ACOX3: variants seen among roughly 807,000 people sequenced by gnomAD.
The protein encoded by ACOX3 is acyl-CoA oxidase 3, pristanoyl.
A neutral mutation model predicts 81.5 loss-of-function variants in ACOX3; 73 were observed. The observed-to-expected ratio is 0.90, with a 90% CI of 0.74 to 1.09. The LOEUF (loss-of-function observed/expected upper bound fraction) is 1.09, where lower values mean the gene tolerates loss of function less well. ACOX3 is among the 50% of genes least tolerant of loss of function. The pLI, the probability that ACOX3 is intolerant of heterozygous loss-of-function variation, is 0.00. For synonymous variants in ACOX3, 387 were observed against 375.1 expected, an observed-to-expected ratio of 1.03 and a Z score of -0.37; for missense variants, 947 against 928.0, an observed-to-expected ratio of 1.02 and a Z score of -0.27.
chr4:8,402,726 CAGGTGTGTGTGTGCACAGCACAGG>C (rs1720506252), intron 7 of ACOX3, among the ~76,000 whole-genome samples: 1 of 152,226 alleles, frequency 6.6e-6, no homozygotes, highest in Non-Finnish European at 1.5e-5. Context: ...GCGTGTGTCA[CAGGTGTGTGTGTGCACAGCACAGG>C]AGTTGTGTGT....
rs1425034778 is a variant in ACOX3 at position 8,405,032 on chromosome 4, G to C, written c.776+923C>G. On this transcript the variant is annotated intron_variant, in intron 7 of 17. Coordinates refer to ENST00000356406, the MANE Select transcript of ACOX3 (RefSeq NM_003501.3). The surrounding 1 kb of genome is among the most constrained non-coding windows in gnomAD (Gnocchi z 7.1). ...CGGCCTGCTCAGGCAGGGCCTGGCA[G>C]GGCCCTGGCACAGGGACCTCTCTTG... 6.6e-6 allele frequency among the ~76,000 whole-genome samples: 1 copy of C among 152,154 alleles called. No individual in the cohort carries two copies. Among genetic ancestry groups the C allele is most frequent in the East Asian group, 1.9e-4 (1 of 5,178 alleles).
At chr4:8,358,977 G>A in the ACOX3 span, among the ~76,000 whole-genome samples, 1 of 152,126 alleles carries the variant, frequency 6.6e-6, no homozygotes, top group Non-Finnish European at 1.5e-5. Flanking sequence ...CTCTCTCGGG[G>A]TCTGGATTGG....
chr4:8,398,720 C>G (rs1444406774), intron 8 of ACOX3, among the ~76,000 whole-genome samples: 1 of 152,174 alleles, frequency 6.6e-6, no homozygotes, highest in East Asian at 1.9e-4. Context: ...AAGCGATCTG[C>G]CCACTTTGGC....
Position 8,430,083 on chromosome 4 carries a change from G to T in ACOX3, c.-15+10565C>A, listed in dbSNP as rs1675002146. On this transcript the variant is annotated intron_variant, in intron 1 of 17. Coordinates refer to ENST00000356406, the MANE Select transcript of ACOX3 (RefSeq NM_003501.3). This position sits in a 1 kb window ranked among gnomAD's most constrained non-coding sequence, Gnocchi z 5.2. ...AGGACATCTGGGTGGGGATACTCAGGTCATGTTTGGAAATTCTGTCTACTT... is the reference window on the plus strand; with the variant it reads ...AGGACATCTGGGTGGGGATACTCAGTTCATGTTTGGAAATTCTGTCTACTT... Among the ~76,000 whole-genome samples, 1 of 152,218 alleles carries T rather than the reference G, an allele frequency of 6.6e-6. No individual in the cohort carries two copies. Among genetic ancestry groups the T allele is most frequent in the African/African-American group, 2.4e-5 (1 of 41,448 alleles).
rs763483900 is a variant in ACOX3, at chr4:8,410,205, G to A, written c.687+7C>T. 2.0e-5 allele frequency: 33 copies of A among 1,613,042 alleles called. No homozygotes were observed. Among genetic ancestry groups the A allele is most frequent in the East Asian group, 4.5e-5 (2 of 44,864 alleles). On this transcript the variant is annotated splice_region_variant and intron_variant, in intron 6 of 17. Coordinates refer to ENST00000356406, the MANE Select transcript of ACOX3 (RefSeq NM_003501.3). ...TGCCCCCACTGAGGGCCACCCCAGC[G>A]TCCTACCTGCACGATAAAGGGATGC...
At position 8,386,471 on chromosome 4, in the gene ACOX3, C is replaced by T. The variant is rs193084509; in HGVS notation, c.1537+2702G>A. Among the ~76,000 whole-genome samples, 129 of 150,068 alleles carry T rather than the reference C, an allele frequency of 8.6e-4. No homozygotes were observed. Among genetic ancestry groups the T allele is most frequent in the African/African-American group, 2.6e-3 (106 of 40,772 alleles). On this transcript the variant is annotated intron_variant, in intron 13 of 17. Transcript: ENST00000356406. This position sits in a 1 kb window ranked among gnomAD's most constrained non-coding sequence, Gnocchi z 5.2. ...GTCCCAGCTACTCCGGAGGCTGAGG[C>T]AGGAGAATGGCGAGAACCTGGGAGG... is the stretch of plus-strand genomic sequence containing the variant.
At chr4:8,398,761 C>T (rs1209511025) in intron 8 of ACOX3, among the ~76,000 whole-genome samples, 5 of 152,222 alleles carry the variant, frequency 3.3e-5, no homozygotes, top group Non-Finnish European at 7.3e-5. Context: ...CGGGCGTGAG[C>T]CACTGCACCC....
At chr4:8,365,268 C>G (rs1303330070), downstream of ACOX3, among the ~76,000 whole-genome samples, 1 of 152,224 alleles carries the variant, frequency 6.6e-6, no homozygotes, top group Non-Finnish European at 1.5e-5. Flanking sequence ...CGGAACTGCT[C>G]CATCTAATTC....
intron 11 of ACOX3, among the ~76,000 whole-genome samples, chr4:8,391,439 G>A (rs1443076136): frequency 6.6e-6 from 1 of 152,252 alleles, no homozygotes; most frequent in Non-Finnish European, 1.5e-5. Context: ...GAGGGCAAGA[G>A]AGTTTTGCTG....
In ACOX3 at chr4:8,400,619, C is replaced by T. The variant is rs1266001958; in HGVS notation, c.777-967G>A. Among the ~76,000 whole-genome samples the T allele has an allele frequency of 6.6e-6, 1 of 152,170 alleles. No homozygotes were observed. Among genetic ancestry groups the T allele is most frequent in the Non-Finnish European group, 1.5e-5 (1 of 68,042 alleles). On this transcript the variant is annotated intron_variant, in intron 7 of 17. Transcript: ENST00000356406. The surrounding 1 kb of genome is among the most constrained non-coding windows in gnomAD (Gnocchi z 4.4). Reference sequence around the variant, plus strand: ...TGTCTGGTCAGGAAAACCTATTACACAACAGTCTAGGGAATAAGGCTATGC... The same window carrying T: ...TGTCTGGTCAGGAAAACCTATTACATAACAGTCTAGGGAATAAGGCTATGC...
rs543187077 is a variant in ACOX3 at position 8,402,825 on chromosome 4, T to C, written c.776+3130A>G. Reference sequence around the variant, plus strand: ...TGTGGCACAGAAACCCTCACTCCAATCCCAGAAGCGCCCAGACCTCAGCAC... The same window carrying C: ...TGTGGCACAGAAACCCTCACTCCAACCCCAGAAGCGCCCAGACCTCAGCAC... On this transcript the variant is annotated intron_variant, in intron 7 of 17. Transcript: ENST00000356406. Among the ~76,000 whole-genome samples, 3 of 152,176 alleles carry C rather than the reference T, an allele frequency of 2.0e-5. No homozygotes were observed. The East Asian group carries it at 5.8e-4, about 29-fold the overall frequency.
At chr4:8,362,898 C>A (rs1715264519), downstream of ACOX3, among the ~76,000 whole-genome samples, 1 of 152,204 alleles carries the variant, frequency 6.6e-6, no homozygotes, top group African/African-American at 2.4e-5. Context: ...AATAATTATT[C>A]TTGCTGTACT....
At chr4:8,412,305 T>C (rs1721814034) in intron 5 of ACOX3, among the ~76,000 whole-genome samples, 1 of 152,276 alleles carries the variant, frequency 6.6e-6, no homozygotes, top group African/African-American at 2.4e-5. Context: ...GACCACCTCT[T>C]ATCCCTGCTG....
chr4:8,398,249 T>A (rs1719939410), intron 8 of ACOX3, among the ~76,000 whole-genome samples: 1 of 152,210 alleles, frequency 6.6e-6, no homozygotes, highest in Admixed American at 6.5e-5. Flanking sequence ...GCATTCACTG[T>A]CATGTTTGAG....
rs1039399302 is a variant in ACOX3, at chr4:8,397,070, C to G, written c.923G>C (p.Arg308Pro). Residue 308 changes from arginine (R) to proline (P), a missense_variant, in exon 9 of 18, where the codon CGG (arginine) becomes CCG (proline). Transcript: ENST00000356406. ...GASLGSLSSGRVSIVSLAILN... is the reference protein window; with the variant it reads ...GASLGSLSSGPVSIVSLAILN... ...GATGGCCAGGCTCACGATGGAGACCCGGCCCGAGGACAGGCTCCCCAGGGA... is the reference window on the plus strand; with the variant it reads ...GATGGCCAGGCTCACGATGGAGACCGGGCCCGAGGACAGGCTCCCCAGGGA... 1 of 1,598,392 alleles carries G rather than the reference C, an allele frequency of 6.3e-7. No individual in the cohort carries two copies. Among genetic ancestry groups the G allele is most frequent in the African/African-American group, 1.4e-5 (1 of 73,988 alleles).
At chr4:8,393,797 A>T (rs1719348335) in intron 10 of ACOX3, among the ~76,000 whole-genome samples, 1 of 152,094 alleles carries the variant, frequency 6.6e-6, no homozygotes, top group African/African-American at 2.4e-5. Context: ...AACATTATTC[A>T]CAGGAGAACA....
In ACOX3 at chr4:8,410,247, C is replaced by A; in HGVS notation, c.652G>T (p.Asp218Tyr). ...AAGGGATGCAGCCCATGGCACTGGTCCCCTGGCACACACAGCTTAGCAAAC... is the reference window on the plus strand; with the variant it reads ...AAGGGATGCAGCCCATGGCACTGGTACCCTGGCACACACAGCTTAGCAAAC... Reference protein sequence around the residue: ...VVFAKLCVPGDQCHGLHPFIV... With the variant: ...VVFAKLCVPGYQCHGLHPFIV... The change falls in exon 6 of 18, where the codon GAC becomes TAC. Residue 218 changes from aspartate (D) to tyrosine (Y), a missense_variant. By Grantham distance (160) the Asp-to-Tyr change is radical (BLOSUM62 -3). Transcript: ENST00000356406. 1 of 1,614,084 alleles carries A rather than the reference C, an allele frequency of 6.2e-7. No homozygotes were observed. Among genetic ancestry groups the A allele is most frequent in the Non-Finnish European group, 8.5e-7 (1 of 1,179,944 alleles).
At chr4:8,408,891 TGGGGGGGGGG>T (rs200811549) in intron 6 of ACOX3, among the ~76,000 whole-genome samples, 1 of 25,790 alleles carries the variant, frequency 3.9e-5, no homozygotes. Context: ...GAGCCCTCAC[TGGGGGGGGGG>T]GGTGGGGGGG....
At chr4:8,418,994 C>G (rs1339330843) in intron 1 of ACOX3, among the ~76,000 whole-genome samples, 1 of 73,554 alleles carries the variant, frequency 1.4e-5, no homozygotes, top group Non-Finnish European at 2.6e-5. Flanking sequence ...TGGCAATGAG[C>G]AAAAAGATAC....
Sources: gnomAD v4.1 joint callset for allele counts (sites outside exome capture counted in the v4.1 genomes callset) on GRCh38, gnomAD v4.1.1 for gene constraint, Gnocchi (gnomAD v3.1) non-coding constraint, MANE v1.5 for transcripts, NCBI Gene and HGNC (gene_info 2026-07-23, HGNC 2026-07-21) for gene names.